The following PCSK5 variants were observed in gnomAD, a reference collection of about 807,000 sequenced individuals.
PCSK5 encodes the protein proprotein convertase subtilisin/kexin type 5, also known as prohormone convertase 5.
Under a neutral mutation model 233.2 loss-of-function variants are expected in PCSK5, and 129 were observed. The observed-to-expected ratio is 0.55, with a 90% CI of 0.48 to 0.64. The LOEUF (loss-of-function observed/expected upper bound fraction) is 0.64, where lower values mean the gene tolerates loss of function less well. PCSK5 is among the 30% of genes least tolerant of loss of function. The pLI, the probability that PCSK5 is intolerant of heterozygous loss-of-function variation, is 0.00. For synonymous variants in PCSK5, 825 were observed against 879.2 expected (o/e 0.94, Z 1.09); for missense variants, 2,076 against 2,430.1 (o/e 0.85, Z 3.06).
At chr9:76,034,338 G>A (rs1828766032) in intron 5 of PCSK5, among the ~76,000 whole-genome samples, 1 of 152,094 alleles carries the variant, frequency 6.6e-6, no homozygotes, top group Non-Finnish European at 1.5e-5. Flanking sequence ...TTATTAAATC[G>A]TTTCCTTGTT....
At chr9:76,333,034 G>A (rs183160558) in intron 34 of PCSK5, among the ~76,000 whole-genome samples, 1 of 152,266 alleles carries the variant, frequency 6.6e-6, no homozygotes, top group East Asian at 1.9e-4. Flanking sequence ...AGATTAGCTG[G>A]GCATGGTGCC....
intron 21 of PCSK5, among the ~76,000 whole-genome samples, chr9:76,230,122 T>A (rs988462907): frequency 1.3e-5 from 2 of 152,226 alleles, no homozygotes; most frequent in Non-Finnish European, 2.9e-5. Flanking sequence ...TGTGGCCATT[T>A]GAAATGGGAT....
chr9:76,010,897 G>C (rs142067957), intron 3 of PCSK5, among the ~76,000 whole-genome samples: 9 of 152,258 alleles, frequency 5.9e-5, no homozygotes, highest in African/African-American at 1.9e-4. Context: ...TGTGGTTTAG[G>C]TTACAGGAAC....
chr9:75,985,950 C>CA (rs367578924), intron 2 of PCSK5, among the ~76,000 whole-genome samples, 182 bp from the exon 3 acceptor site: 28 of 150,716 alleles, frequency 1.9e-4, no homozygotes, highest in Middle Eastern at 6.8e-3. Context: ...ATTAAACAAA[C>CA]AAAAAAAAAG....
At chr9:76,223,199 G>A (rs1012629849) in intron 20 of PCSK5, among the ~76,000 whole-genome samples, 4 of 152,096 alleles carry the variant, frequency 2.6e-5, no homozygotes, top group Admixed American at 6.5e-5. Context: ...TTTATGTATC[G>A]ATTAATTTAT....
chr9:76,340,777 CT>C (rs1294607708), intron 35 of PCSK5, among the ~76,000 whole-genome samples: 3 of 151,412 alleles, frequency 2.0e-5, no homozygotes, highest in African/African-American at 4.9e-5. Flanking sequence ...TATATTTTGC[CT>C]CTTTGACTCT....
intron 7 of PCSK5, among the ~76,000 whole-genome samples, chr9:76,092,281 A>C (rs1340798772): frequency 6.6e-6 from 1 of 152,222 alleles, no homozygotes; most frequent in African/African-American, 2.4e-5. Flanking sequence ...ATTTGGCCAG[A>C]AAGGGTACAA....
At chr9:76,318,397 C>T (rs147960673) in intron 30 of PCSK5, among the ~76,000 whole-genome samples, 5 of 151,736 alleles carry the variant, frequency 3.3e-5, no homozygotes, top group African/African-American at 1.2e-4. Context: ...TGCAGCAAAC[C>T]ACCATGGCAC....
Position 76,238,968 on chromosome 9 carries a change from G to T in PCSK5, c.2876G>T (p.Gly959Val), listed in dbSNP as rs896556192. 14 of 1,611,660 alleles carry T rather than the reference G, an allele frequency of 8.7e-6. 1 individual carries two copies. In the Admixed American group the frequency reaches 1.0e-4, roughly 12 times the overall value. Residue 959 changes from glycine (G) to valine (V), a missense_variant, in exon 23 of 38, where the codon GGC (glycine) becomes GTC (valine). Physicochemically the swap from Gly to Val is moderately radical, Grantham distance 109. Transcript: ENST00000674117. ...CCCTGTAACTGATCAGACAACTATG[G>T]CCGAGAGCACTTCCTGTACCAGGGA... is the stretch of plus-strand genomic sequence containing the variant. ...HCTSCGADNY[G>V]REHFLYQGEC... is the part of the protein sequence containing the mutation.
chr9:76,251,066 G>A (rs1014183913), intron 24 of PCSK5, among the ~76,000 whole-genome samples: 8 of 152,150 alleles, frequency 5.3e-5, no homozygotes, highest in Admixed American at 5.2e-4. Flanking sequence ...CCAGGAGTTC[G>A]AGACCAGCCT....
In PCSK5 at chr9:76,181,578, A is replaced by G. The variant is rs1168383168; in HGVS notation, c.2184A>G (p.Ser728=). Residue 728 remains serine (S), a synonymous_variant, in exon 16 of 38, where the codon TCA becomes TCG. Transcript: ENST00000674117. ...NSCVTHCPDG[S]YQDTKKNLCR... ...GTGTTACTCACTGCCCTGATGGGTC[A>G]TATCAGGATACCAGTAAGCTCACTT... 5.6e-6 allele frequency: 9 copies of G among 1,609,480 alleles called. No individual in the cohort carries two copies. Among genetic ancestry groups the G allele is most frequent in the Non-Finnish European group, 6.8e-6 (8 of 1,176,406 alleles).
intron 10 of PCSK5, among the ~76,000 whole-genome samples, chr9:76,144,219 C>T (rs1823346258): frequency 6.6e-6 from 1 of 152,138 alleles, no homozygotes; most frequent in Admixed American, 6.6e-5. Context: ...CCGGAGGTTA[C>T]AATGTATATG....
chr9:75,954,984 C>G (rs1825028248), intron 2 of PCSK5, among the ~76,000 whole-genome samples: 1 of 152,102 alleles, frequency 6.6e-6, no homozygotes, highest in African/African-American at 2.4e-5. Context: ...ATTTGGAAAT[C>G]TTTTAGGTTC....
intron 20 of PCSK5, among the ~76,000 whole-genome samples, chr9:76,190,527 A>G (rs778018021): frequency 6.6e-6 from 1 of 152,116 alleles, no homozygotes; most frequent in Non-Finnish European, 1.5e-5. Flanking sequence ...ACATTATCCT[A>G]TGTTTTTACA....
chr9:76,318,587 A>T (rs1829101319), intron 30 of PCSK5, among the ~76,000 whole-genome samples: 1 of 152,210 alleles, frequency 6.6e-6, no homozygotes, highest in Admixed American at 6.5e-5. Context: ...AGTGATTTCT[A>T]CAATGGGATA....
intron 2 of PCSK5, among the ~76,000 whole-genome samples, chr9:75,943,626 C>A (rs1345961339): frequency 2.0e-5 from 3 of 152,124 alleles, no homozygotes; most frequent in East Asian, 3.9e-4. Flanking sequence ...TGGAAAGAAC[C>A]TTTGTATTGT....
chr9:76,295,312 A>G lies in PCSK5; in HGVS notation c.3223A>G (p.Thr1075Ala). The change falls in exon 26 of 38, where the codon ACC becomes GCC. Residue 1075 changes from threonine (T) to alanine (A), a missense_variant. By Grantham distance (58) the Thr-to-Ala change is moderately conservative (BLOSUM62 0). Transcript: ENST00000674117. ...HHCYKTCPEK[T>A]YSEEVECKAC... ...TTGTTATAAAACCTGTCCTGAGAAG[A>G]CCTACAGTGAGGAAGTGGAATGCAA... 6.2e-7 allele frequency: 1 copy of G among 1,611,862 alleles called. No homozygotes were observed. The highest frequency in any genetic ancestry group is 8.5e-7 in the Non-Finnish European group (1 of 1,179,096).
intron 20 of PCSK5, chr9:76,194,603 GTTTTT>G (rs201037106): frequency 1.0e-5 from 3 of 287,124 alleles, no homozygotes; most frequent in Admixed American, 4.8e-5. Context: ...GTTTTTTGGG[GTTTTT>G]TTTTTTTAAG....
chr9:75,971,376 TAGTGCTGC>T (rs1330435496), intron 2 of PCSK5, among the ~76,000 whole-genome samples: 1 of 152,208 alleles, frequency 6.6e-6, no homozygotes, highest in Non-Finnish European at 1.5e-5. Flanking sequence ...CTATTGTGAA[TAGTGCTGC>T]AGTGAACATA....
Sources: allele counts gnomAD v4.1 joint callset (sites outside exome capture counted in the v4.1 genomes callset), GRCh38; gene constraint gnomAD v4.1.1; transcripts MANE v1.5; gene names NCBI Gene and HGNC (gene_info 2026-07-23, HGNC 2026-07-21).